SLC4A7: variants seen among roughly 807,000 people sequenced by gnomAD.
SLC4A7 encodes the protein solute carrier family 4 member 7.
SLC4A7 carries 51 observed loss-of-function variants against 137.6 expected under a neutral mutation model. The observed-to-expected ratio is 0.37, with a 90% CI of 0.30 to 0.47. The LOEUF is 0.47. Ranked by LOEUF, SLC4A7 falls within the 20% of genes least tolerant of loss-of-function variation. The pLI, the probability that SLC4A7 is intolerant of heterozygous loss-of-function variation, is 1.00. For missense variants in SLC4A7, 1,247 were observed against 1,525.4 expected (o/e 0.82, Z 3.04); for synonymous variants, 542 against 518.6 (o/e 1.05, Z -0.61).
At position 27,452,412 on chromosome 3, in the gene SLC4A7, C is replaced by T; in HGVS notation, c.142+5G>A. The T allele has an allele frequency of 6.3e-7, 1 of 1,587,938 alleles. No homozygotes were observed. Among genetic ancestry groups the T allele is most frequent in the Non-Finnish European group, 8.6e-7 (1 of 1,166,528 alleles). On this transcript the variant is annotated splice_donor_5th_base_variant and intron_variant, in intron 2 of 25. Transcript: ENST00000454389. ...AGCGAAGTAAGTTATTTTAAACCAA[C>T]TTACTTTCTAGTTCTTCTTTTTCAA...
In SLC4A7 at chr3:27,448,761, A is replaced by G; in HGVS notation, c.179T>C (p.Phe60Ser). ...RAVYIGVHVP[F>S]SKESRRRHRH... ...ATGACGCCGACGACTCTCTTTACTA[A>G]ACGGGACGTGAACACCAATATATAC... Residue 60 changes from phenylalanine (F) to serine (S), a missense_variant, in exon 3 of 26, where the codon TTT becomes TCT. Phe to Ser is a radical substitution (Grantham distance 155, BLOSUM62 -2). Around this residue, in one of 6 missense-constraint regions of SLC4A7, gnomAD observed 176 missense variants for 186.4 expected, o/e 0.94. Transcript: ENST00000454389. 6.2e-7 allele frequency: 1 copy of G among 1,613,442 alleles called. No individual in the cohort carries two copies. The highest frequency in any genetic ancestry group is 8.5e-7 in the Non-Finnish European group (1 of 1,179,654).
At chr3:27,388,144 T>C (rs2051164519) in intron 22 of SLC4A7, among the ~76,000 whole-genome samples, 1 of 152,204 alleles carries the variant, frequency 6.6e-6, no homozygotes, top group Admixed American at 6.5e-5. Context: ...CTTGGGTTAA[T>C]AGGTATACAA....
At chr3:27,429,279 A>G (rs1247452899) in intron 7 of SLC4A7, among the ~76,000 whole-genome samples, 3 of 152,088 alleles carry the variant, frequency 2.0e-5, no homozygotes, top group Admixed American at 2.0e-4. Context: ...CAAAAAAAAA[A>G]GAGTTATAAA....
At chr3:27,387,693 G>A (rs981116906) in intron 22 of SLC4A7, among the ~76,000 whole-genome samples, 1 of 152,136 alleles carries the variant, frequency 6.6e-6, no homozygotes, top group Non-Finnish European at 1.5e-5. Context: ...CTAACCTCCA[G>A]TACCTCAGAA....
At position 27,431,654 on chromosome 3, in the gene SLC4A7, G is replaced by C. The variant is rs1559751263; in HGVS notation, c.794C>G (p.Ala265Gly). The C allele has an allele frequency of 6.4e-7, 1 of 1,573,032 alleles. No individual in the cohort carries two copies. The highest frequency in any genetic ancestry group is 8.6e-7 in the Non-Finnish European group (1 of 1,159,048). ...LLERNGEGLSASRHSLRTGLS... is the reference protein window; with the variant it reads ...LLERNGEGLSGSRHSLRTGLS... ...ACCTGTTCGCAAAGAGTGGCGGGAG[G>C]CTGAAAGGCCTTCCCCTGAGATAAA... Residue 265 changes from alanine (A) to glycine (G), a missense_variant, in exon 7 of 26, where the codon GCC becomes GGC. Physicochemically the swap from Ala to Gly is moderately conservative, Grantham distance 60 (BLOSUM62 0). Transcript: ENST00000454389.
At chr3:27,386,485 C>T (rs1378093928) in intron 22 of SLC4A7, among the ~76,000 whole-genome samples, 1 of 152,096 alleles carries the variant, frequency 6.6e-6, no homozygotes, top group Non-Finnish European at 1.5e-5. Context: ...TTAACTGCTG[C>T]TGAAGATGAG....
At chr3:27,404,029 C>T (rs1055397181) in intron 14 of SLC4A7, among the ~76,000 whole-genome samples, 1 of 152,186 alleles carries the variant, frequency 6.6e-6, no homozygotes, top group Non-Finnish European at 1.5e-5. Flanking sequence ...GTAATAGCAT[C>T]AAGTTGTTTC....
intron 18 of SLC4A7, 128 bp downstream of exon 18, chr3:27,397,556 C>T (rs2052318805): frequency 6.5e-6 from 4 of 617,814 alleles, no homozygotes; most frequent in African/African-American, 1.9e-5. Context: ...AAATTATTTC[C>T]TTTCAAAGCA....
intron 18 of SLC4A7, among the ~76,000 whole-genome samples, chr3:27,396,763 T>C (rs1023487796): frequency 6.6e-6 from 1 of 152,150 alleles, no homozygotes; most frequent in African/African-American, 2.4e-5. Context: ...AGTGACACTA[T>C]TCACAATGTC....
rs1402145924 is a variant in SLC4A7, at chr3:27,431,362, T to C, written c.1086A>G (p.Glu362=). The change falls in exon 7 of 26, where the codon GAA becomes GAG. Residue 362 remains glutamate (E), a synonymous_variant. Coordinates refer to ENST00000454389, the MANE Select transcript of SLC4A7 (RefSeq NM_001321103.2). ...IPTVVIHPPE[E]DLEAALKGEE... ...CGCCTTTCAGCGCTGCTTCTAAGTC[T>C]TCCTCAGGCGGATGAATTACTACTG... is the stretch of plus-strand genomic sequence containing the variant. The C allele has an allele frequency of 1.9e-6, 3 of 1,613,074 alleles. No homozygotes were observed. Among genetic ancestry groups the C allele is most frequent in the Middle Eastern group, 1.6e-4 (1 of 6,076 alleles).
chr3:27,394,737 C>T lies in SLC4A7; in HGVS notation c.2898G>A (p.Met966Ile), dbSNP rs2051958037. 1.9e-6 allele frequency: 3 copies of T among 1,614,050 alleles called. No homozygotes were observed. The highest frequency in any genetic ancestry group is 2.5e-6 in the Non-Finnish European group (3 of 1,180,030). The change falls in exon 20 of 26, where the codon ATG becomes ATA. Residue 966 changes from methionine (M) to isoleucine (I), a missense_variant. By Grantham distance (10) the Met-to-Ile change is conservative. Around this residue, in one of 6 missense-constraint regions of SLC4A7, gnomAD observed 48 missense variants for 97.2 expected, o/e 0.49. Transcript: ENST00000454389. ...AGCAAACTCCCAACATAACGCCAAC[C>T]ATGAGCAAATCAAGGTGATAGCCAG... ...KGAGYHLDLL[M>I]VGVMLGVCSV...
intron 16 of SLC4A7, 42 bp from the exon 17 acceptor site, chr3:27,398,395 AC>A (rs773862878): frequency 2.0e-6 from 3 of 1,528,460 alleles, no homozygotes; most frequent in Non-Finnish European, 2.7e-6. Context: ...GGGGATTCTT[AC>A]GTATTCAATA....
intron 11 of SLC4A7, among the ~76,000 whole-genome samples, chr3:27,413,493 A>C (rs1259762104): frequency 6.6e-6 from 1 of 152,178 alleles, no homozygotes; most frequent in Non-Finnish European, 1.5e-5. Flanking sequence ...AGTAATACAA[A>C]CTAGTAGACA....
intron 1 of SLC4A7, among the ~76,000 whole-genome samples, chr3:27,482,187 C>G (rs540782147): frequency 1.3e-5 from 2 of 152,046 alleles, no homozygotes; most frequent in African/African-American, 4.8e-5. Context: ...TTGGCCACTA[C>G]AGTAAATAGT....
chr3:27,437,716 A>T (rs1378850244), intron 3 of SLC4A7, among the ~76,000 whole-genome samples, 190 bp from the exon 4 acceptor site: 1 of 152,084 alleles, frequency 6.6e-6, no homozygotes, highest in African/African-American at 2.4e-5. Context: ...AAAAAAAAAA[A>T]GTCACAGAAA....
intron 23 of SLC4A7, among the ~76,000 whole-genome samples, chr3:27,385,182 T>A (rs912346512): frequency 6.6e-6 from 1 of 152,180 alleles, no homozygotes; most frequent in Admixed American, 6.5e-5. Flanking sequence ...CAAACAATAC[T>A]CTGAATGGGA....
intron 13 of SLC4A7, among the ~76,000 whole-genome samples, chr3:27,407,577 A>G (rs1226811971): frequency 6.6e-6 from 1 of 151,804 alleles, no homozygotes; most frequent in Non-Finnish European, 1.5e-5. Context: ...ACCTACCCTT[A>G]CCTTCCCCTC....
intron 3 of SLC4A7, among the ~76,000 whole-genome samples, chr3:27,441,546 G>A (rs1302653971): frequency 6.6e-6 from 1 of 151,990 alleles, no homozygotes. Flanking sequence ...GGCTGGAAGT[G>A]TAGTCACACA....
chr3:27,446,909 A>T (rs1170983595), intron 3 of SLC4A7, among the ~76,000 whole-genome samples: 3 of 130,998 alleles, frequency 2.3e-5, no homozygotes, highest in Non-Finnish European at 4.7e-5. Context: ...TTTTAAACAG[A>T]GTCTCGCTCT....
Sources: gnomAD v4.1 joint callset for allele counts (sites outside exome capture counted in the v4.1 genomes callset) on GRCh38, gnomAD v4.1.1 for gene constraint, gnomAD v4.1.1 regional missense constraint, MANE v1.5 for transcripts, NCBI Gene and HGNC (gene_info 2026-07-23, HGNC 2026-07-21) for gene names.